Variants in FAM135A observed in about 807,000 individuals in gnomAD.
The protein encoded by FAM135A is family with sequence similarity 135 member A.
A neutral mutation model predicts 146.8 loss-of-function variants in FAM135A; 79 were observed. The ratio of observed to expected loss-of-function variants is 0.54; its 90% CI spans 0.45 to 0.65. FAM135A has a LOEUF of 0.65. Among genes scored for constraint, FAM135A ranks in the 30% least tolerant of loss-of-function variants. The pLI, the probability that FAM135A is intolerant of heterozygous loss-of-function variation, is 0.00. For synonymous variants in FAM135A, 562 were observed against 603.6 expected, an observed-to-expected ratio of 0.93 and a Z score of 1.01; for missense variants, 1,623 against 1,758.2, an observed-to-expected ratio of 0.92 and a Z score of 1.38.
intron 20 of FAM135A, among the ~76,000 whole-genome samples, chr6:70,547,918 G>A (rs900760398): frequency 7.2e-5 from 11 of 152,112 alleles, no homozygotes; most frequent in East Asian, 1.9e-4. Flanking sequence ...AAAGGTAACC[G>A]TTCAACAAAT....
chr6:70,484,099 T>TC (rs2128190527), intron 10 of FAM135A, among the ~76,000 whole-genome samples: 1 of 152,272 alleles, frequency 6.6e-6, no homozygotes, highest in South Asian at 2.1e-4. Flanking sequence ...AATGAGCACC[T>TC]CCTGTGTCAG....
chr6:70,528,543 A>G, intron 16 of FAM135A, 91 bp downstream of exon 16: 1 of 1,213,702 alleles, frequency 8.2e-7, no homozygotes, highest in Non-Finnish European at 1.1e-6. Flanking sequence ...TTTGAACTAA[A>G]AAAAGATTTT....
At chr6:70,455,428 GTA>G (rs1213853087) in intron 5 of FAM135A, among the ~76,000 whole-genome samples, 1 of 151,760 alleles carries the variant, frequency 6.6e-6, no homozygotes, top group African/African-American at 2.4e-5. Context: ...ATATACATGT[GTA>G]TGTGTGTGTA....
At position 70,525,618 on chromosome 6, in the gene FAM135A, C is replaced by A; in HGVS notation, c.2534C>A (p.Ser845Tyr). Reference protein sequence around the residue: ...SSLTSINSLPSDDELSPDENS... With the variant: ...SSLTSINSLPYDDELSPDENS... Reference sequence around the variant, plus strand: ...TTGACATCCATAAACTCTCTACCCTCCGATGATGAACTGTCACCTGATGAA... The same window carrying A: ...TTGACATCCATAAACTCTCTACCCTACGATGATGAACTGTCACCTGATGAA... The change falls in exon 15 of 22, where the codon TCC becomes TAC. Residue 845 changes from serine (S) to tyrosine (Y), a missense_variant. By Grantham distance (144) the Ser-to-Tyr change is moderately radical (BLOSUM62 -2). Transcript: ENST00000418814. 6.2e-7 allele frequency: 1 copy of A among 1,613,498 alleles called. No individual in the cohort carries two copies. The highest frequency in any genetic ancestry group is 8.5e-7 in the Non-Finnish European group (1 of 1,179,664).
chr6:70,516,530 CTTTTT>C (rs1174927909), intron 12 of FAM135A, among the ~76,000 whole-genome samples: 5 of 84,942 alleles, frequency 5.9e-5, no homozygotes, highest in Middle Eastern at 0.014. Flanking sequence ...ATTTTCTTTT[CTTTTT>C]TTTTTTTTTT....
intron 21 of FAM135A, chr6:70,557,731 A>T (rs1582948514): frequency 6.9e-6 from 1 of 145,476 alleles, no homozygotes; most frequent in African/African-American, 2.6e-5. Flanking sequence ...CTGGTCTCCT[A>T]CCTCTCAATA....
rs1334837427 is a variant in FAM135A, at chr6:70,428,348, T to C, written c.6T>C (p.Thr2=). Residue 2 remains threonine (T), a synonymous_variant, in exon 4 of 22, where the codon ACT becomes ACC. Transcript: ENST00000418814. M[T]EVQAMVEFSV... ...CTTCTGGGTATAAATTAAAAATGAC[T>C]GAAGTTCAAGCAATGGTAGAATTCT... The C allele has an allele frequency of 6.3e-7, 1 of 1,598,554 alleles. No homozygotes were observed.
chr6:70,432,528 A>G (rs1771907639), intron 4 of FAM135A, among the ~76,000 whole-genome samples: 1 of 152,174 alleles, frequency 6.6e-6, no homozygotes, highest in Admixed American at 6.5e-5. Context: ...GAACTTAACA[A>G]AACATTGTTA....
intron 5 of FAM135A, among the ~76,000 whole-genome samples, chr6:70,470,657 C>T (rs899419471): frequency 1.3e-5 from 2 of 152,164 alleles, no homozygotes; most frequent in African/African-American, 2.4e-5. Context: ...GCACCCAGTC[C>T]CTACTATCAC....
At chr6:70,496,841 C>T (rs1200285801) in intron 11 of FAM135A, among the ~76,000 whole-genome samples, 1 of 151,666 alleles carries the variant, frequency 6.6e-6, no homozygotes, top group Admixed American at 6.6e-5. Flanking sequence ...TTTCTGAGGC[C>T]TCTGTTCTGT....
In FAM135A at chr6:70,450,716, G is replaced by GTTTTTTTTTTTTTTTT. The variant is rs546674936; in HGVS notation, c.78-1749_78-1734dup. Among the ~76,000 whole-genome samples the GTTTTTTTTTTTTTTTT allele has an allele frequency of 4.9e-4, 14 of 28,348 alleles. 3 individuals carry two copies. The highest frequency in any genetic ancestry group is 1.8e-3 in the Admixed American group (3 of 1,664). 18.6% of individuals were successfully genotyped at this position (28,348 alleles called of 152,430 possible). On this transcript the variant is annotated intron_variant, in intron 4 of 21. Coordinates refer to ENST00000418814, the MANE Select transcript of FAM135A (RefSeq NM_001162529.3). ...CTCAGGGAGTGTGACCCTTTTAGTT[G>GTTTTTTTTTTTTTTTT]TTTTTTTTTTTTTTTTTTTTTTTTT...
intron 10 of FAM135A, 95 bp from the exon 11 acceptor site, chr6:70,490,939 G>C: frequency 1.2e-6 from 1 of 811,672 alleles, no homozygotes; most frequent in African/African-American, 1.8e-5. Context: ...ATACAGTCCA[G>C]ATCATTCTTA....
intron 10 of FAM135A, among the ~76,000 whole-genome samples, chr6:70,489,433 G>A (rs1466024548): frequency 6.6e-6 from 1 of 152,122 alleles, no homozygotes; most frequent in Non-Finnish European, 1.5e-5. Flanking sequence ...AAATACATGT[G>A]TTCCATTGAT....
rs1438342454 is a variant in FAM135A, at chr6:70,529,694, A to G, written c.3775+1242A>G. Reference sequence around the variant, plus strand: ...CCATTTTATTCCTTAAAGTTAACCTAACCTTGTTACCAAATCCAATAAAGA... The same window carrying G: ...CCATTTTATTCCTTAAAGTTAACCTGACCTTGTTACCAAATCCAATAAAGA... On this transcript the variant is annotated intron_variant, in intron 16 of 21. Coordinates refer to ENST00000418814, the MANE Select transcript of FAM135A (RefSeq NM_001162529.3). Among the ~76,000 whole-genome samples, 4 of 152,272 alleles carry G rather than the reference A, an allele frequency of 2.6e-5. No homozygotes were observed. The South Asian group carries it at 8.3e-4, about 32-fold the overall frequency.
At position 70,524,609 on chromosome 6, in the gene FAM135A, T is replaced by A. The variant is rs757683614; in HGVS notation, c.1525T>A (p.Leu509Ile). The change falls in exon 15 of 22, where the codon TTA becomes ATA. Residue 509 changes from leucine to isoleucine, a missense_variant. By Grantham distance (5) the Leu-to-Ile change is conservative. Around this residue, in one of 7 missense-constraint regions of FAM135A, gnomAD observed 1,061 missense variants for 1,113.8 expected, o/e 0.95. Coordinates refer to ENST00000418814, the MANE Select transcript of FAM135A (RefSeq NM_001162529.3). ...AATGAAATCTGAAAACACAAAAAAATTAATAAAACAGAACTCTAAGGATTC... is the reference window on the plus strand; with the variant it reads ...AATGAAATCTGAAAACACAAAAAAAATAATAAAACAGAACTCTAAGGATTC... ...KTMKSENTKK[L>I]IKQNSKDSVV... 4.4e-5 allele frequency: 68 copies of A among 1,543,566 alleles called. No homozygotes were observed. Among genetic ancestry groups the A allele is most frequent in the Non-Finnish European group, 5.4e-5 (62 of 1,145,014 alleles).
chr6:70,425,128 C>T (rs1226137078), intron 2 of FAM135A, among the ~76,000 whole-genome samples: 1 of 149,174 alleles, frequency 6.7e-6, no homozygotes, highest in African/African-American at 2.4e-5. Flanking sequence ...ATACATATTA[C>T]ACACACACAC....
rs577469417 is a variant in FAM135A at position 70,421,896 on chromosome 6, G to A, written c.-133-4543G>A. ...GTGCAGGAGGGTCATGAAACTCTTAGCTTCTTGTAGATACAGAGAGTTCCT... is the reference window on the plus strand; with the variant it reads ...GTGCAGGAGGGTCATGAAACTCTTAACTTCTTGTAGATACAGAGAGTTCCT... On this transcript the variant is annotated intron_variant, in intron 2 of 21. Transcript: ENST00000418814. Among the ~76,000 whole-genome samples, 540 of 152,292 alleles carry A rather than the reference G, an allele frequency of 3.5e-3. 5 individuals carry two copies. Among genetic ancestry groups the A allele is most frequent in the African/African-American group, 0.012 (519 of 41,554 alleles).
rs1791671871 is a variant in FAM135A at position 70,514,125 on chromosome 6, C to A, written c.1030-8388C>A. ...CCCCATTTCTTTCCCTCCCTTCTCC[C>A]TCTAGTACTCTAATTATATGTATAT... On this transcript the variant is annotated intron_variant, in intron 12 of 21. Transcript: ENST00000418814. Among the ~76,000 whole-genome samples the A allele has an allele frequency of 3.3e-5, 5 of 151,968 alleles. No individual in the cohort carries two copies. In the South Asian group the frequency reaches 1.0e-3, roughly 31 times the overall value.
chr6:70,518,607 G>A (rs1792837609), intron 12 of FAM135A, among the ~76,000 whole-genome samples: 1 of 152,186 alleles, frequency 6.6e-6, no homozygotes, highest in African/African-American at 2.4e-5. Flanking sequence ...CTTGTTAGGA[G>A]CTAATGTAAC....
Sources: allele counts gnomAD v4.1 joint callset (sites outside exome capture counted in the v4.1 genomes callset), GRCh38; gene constraint gnomAD v4.1.1; regional missense constraint gnomAD v4.1.1; transcripts MANE v1.5; gene names NCBI Gene and HGNC (gene_info 2026-07-23, HGNC 2026-07-21).